The following STARD13 variants were observed in gnomAD, a reference collection of about 807,000 sequenced individuals.
STARD13 encodes the protein StAR related lipid transfer domain containing 13, also known as stAR-related lipid transfer protein 13.
In STARD13, 62 loss-of-function variants were observed where a neutral mutation model predicts 106.4. The observed-to-expected ratio is 0.58, with a 90% CI of 0.48 to 0.72. The LOEUF is 0.72. STARD13 is among the 30% of genes least tolerant of loss of function. The probability of loss-of-function intolerance (pLI) is 0.00; values close to 1 mark genes in which losing one functional copy is unlikely to be tolerated. For missense variants in STARD13, 1,387 were observed against 1,424.0 expected (o/e 0.97, Z 0.42); for synonymous variants, 565 against 553.0 (o/e 1.02, Z -0.31).
chr13:33,442,555 G>A, the STARD13 span, among the ~76,000 whole-genome samples: 1 of 152,140 alleles, frequency 6.6e-6, no homozygotes, highest in Non-Finnish European at 1.5e-5. Flanking sequence ...AATGTATACA[G>A]AATAGGAACA....
chr13:33,273,201 C>A (rs1430773884), intron 1 of STARD13, among the ~76,000 whole-genome samples: 1 of 152,146 alleles, frequency 6.6e-6, no homozygotes, highest in Non-Finnish European at 1.5e-5. Flanking sequence ...ATTCCTAATA[C>A]AAGACTATAA....
the STARD13 span, among the ~76,000 whole-genome samples, chr13:33,564,561 T>TA: frequency 1.4e-5 from 2 of 143,378 alleles, no homozygotes; most frequent in African/African-American, 5.3e-5. Flanking sequence ...ATCAACTTAT[T>TA]AAAGAGATAT....
At chr13:33,426,494 G>A in the STARD13 span, among the ~76,000 whole-genome samples, 1 of 152,034 alleles carries the variant, frequency 6.6e-6, no homozygotes, top group African/African-American at 2.4e-5. Flanking sequence ...TCACTTACCT[G>A]TAACTCTTCT....
chr13:33,331,903 G>A (rs928669601), intron 1 of STARD13, among the ~76,000 whole-genome samples: 3 of 152,054 alleles, frequency 2.0e-5, no homozygotes, highest in Non-Finnish European at 4.4e-5. Context: ...TGGTCTTTAC[G>A]TAATTAGCAA....
At chr13:33,328,145 G>T (rs986425438) in intron 1 of STARD13, among the ~76,000 whole-genome samples, 1 of 152,154 alleles carries the variant, frequency 6.6e-6, no homozygotes, top group African/African-American at 2.4e-5. Context: ...TTTTTCCAAT[G>T]ATAACAATTT....
At chr13:33,670,204 C>T in the STARD13 span, among the ~76,000 whole-genome samples, 1 of 152,080 alleles carries the variant, frequency 6.6e-6, no homozygotes, top group Admixed American at 6.5e-5. Context: ...TATAGTATGC[C>T]AAGTATCTTA....
At chr13:33,243,898 G>C (rs1889688564) in intron 1 of STARD13, among the ~76,000 whole-genome samples, 1 of 152,102 alleles carries the variant, frequency 6.6e-6, no homozygotes, top group African/African-American at 2.4e-5. Flanking sequence ...AGTGAGATGA[G>C]AGTAAGGGAG....
the STARD13 span, among the ~76,000 whole-genome samples, chr13:33,666,114 C>T: frequency 6.6e-6 from 1 of 152,334 alleles, no homozygotes; most frequent in East Asian, 1.9e-4. Flanking sequence ...TCTGGGAATG[C>T]TATGGCATGC....
chr13:33,210,670 C>T (rs1401249954), intron 1 of STARD13, among the ~76,000 whole-genome samples: 1 of 152,196 alleles, frequency 6.6e-6, no homozygotes, highest in East Asian at 1.9e-4. Context: ...AACCACAAAT[C>T]AAGAAATTAA....
At chr13:33,361,775 C>T in the STARD13 span, among the ~76,000 whole-genome samples, 1 of 152,152 alleles carries the variant, frequency 6.6e-6, no homozygotes, top group Admixed American at 6.5e-5. Context: ...CACTCACTAT[C>T]GTGAGAACAG....
intron 7 of STARD13, among the ~76,000 whole-genome samples, chr13:33,122,561 A>G (rs1055815375): frequency 6.6e-6 from 1 of 152,216 alleles, no homozygotes; most frequent in Non-Finnish European, 1.5e-5. Flanking sequence ...GCTGTCATCT[A>G]CTGTTAAAGC....
the STARD13 span, among the ~76,000 whole-genome samples, chr13:33,360,446 C>T: frequency 6.6e-6 from 1 of 151,680 alleles, no homozygotes; most frequent in African/African-American, 2.4e-5. Context: ...CCTTGTGATC[C>T]ACACACCTCG....
At chr13:33,374,398 A>G in the STARD13 span, among the ~76,000 whole-genome samples, 1 of 152,208 alleles carries the variant, frequency 6.6e-6, no homozygotes, top group Non-Finnish European at 1.5e-5. Context: ...AATGCCAAAG[A>G]ACTATATACT....
intron 8 of STARD13, among the ~76,000 whole-genome samples, chr13:33,114,245 G>A (rs1875035839): frequency 6.6e-6 from 1 of 152,216 alleles, no homozygotes; most frequent in African/African-American, 2.4e-5. Context: ...TGTTCCAGAA[G>A]GGCTGAGGTG....
chr13:33,268,302 T>C (rs1257987419), intron 1 of STARD13, among the ~76,000 whole-genome samples: 1 of 152,234 alleles, frequency 6.6e-6, no homozygotes, highest in Non-Finnish European at 1.5e-5. Context: ...TCAGATTCAC[T>C]AGGATTGTGG....
At chr13:33,495,902 GTTA>G in the STARD13 span, among the ~76,000 whole-genome samples, 1 of 140,912 alleles carries the variant, frequency 7.1e-6, no homozygotes, top group African/African-American at 2.6e-5. Context: ...ATATAGTTAT[GTTA>G]TTATATTATA....
At chr13:33,399,196 G>A in the STARD13 span, among the ~76,000 whole-genome samples, 2 of 152,054 alleles carry the variant, frequency 1.3e-5, no homozygotes, top group Non-Finnish European at 1.5e-5. Context: ...CAACATAGAT[G>A]AACTTGGAGG....
At chr13:33,124,414 T>A in intron 7 of STARD13, among the ~76,000 whole-genome samples, 1 of 152,230 alleles carries the variant, frequency 6.6e-6, no homozygotes, top group East Asian at 1.9e-4. Context: ...ACATTTAGAA[T>A]CAGTATTTAT....
In STARD13 at chr13:33,129,168, C is replaced by G; in HGVS notation, c.1509G>C (p.Trp503Cys). Residue 503 changes from tryptophan (W) to cysteine (C), a missense_variant, in exon 5 of 14, where the codon TGG becomes TGC. Trp to Cys is a radical substitution (Grantham distance 215). Coordinates refer to ENST00000336934, the MANE Select transcript of STARD13 (RefSeq NM_178006.4). Reference sequence around the variant, plus strand: ...GCAGTTCAGGCAAGACATCTTTGGACCAGTCATCGACTACCTCTTGGAGCC... The same window carrying G: ...GCAGTTCAGGCAAGACATCTTTGGAGCAGTCATCGACTACCTCTTGGAGCC... ...VNGLQEVVDD[W>C]SKDVLPELQT... 6.2e-7 allele frequency: 1 copy of G among 1,614,200 alleles called. No homozygotes were observed. Among genetic ancestry groups the G allele is most frequent in the Non-Finnish European group, 8.5e-7 (1 of 1,180,034 alleles).
Sources: gnomAD v4.1 joint callset for allele counts (sites outside exome capture counted in the v4.1 genomes callset) on GRCh38, gnomAD v4.1.1 for gene constraint, MANE v1.5 for transcripts, NCBI Gene and HGNC (gene_info 2026-07-23, HGNC 2026-07-21) for gene names.